Variants in PRKCE observed in about 807,000 individuals in gnomAD.
The protein encoded by PRKCE is protein kinase C epsilon type.
PRKCE carries 16 observed loss-of-function variants against 85.4 expected under a neutral mutation model. That is an observed-to-expected ratio of 0.19 (90% CI 0.13 to 0.28). The LOEUF is 0.28. Among genes scored for constraint, PRKCE ranks in the 10% least tolerant of loss-of-function variants. The pLI is 1.00. For missense variants in PRKCE, 573 were observed against 975.2 expected (o/e 0.59, Z 5.49); for synonymous variants, 388 against 371.5 (o/e 1.04, Z -0.51).
intron 6 of PRKCE, among the ~76,000 whole-genome samples, chr2:45,989,969 C>G (rs1703658128): frequency 6.6e-6 from 1 of 152,206 alleles, no homozygotes; most frequent in Admixed American, 6.5e-5. Context: ...CTAAAAATGT[C>G]CTCTTTTTGT....
chr2:46,164,131 G>A (rs1678081860), intron 14 of PRKCE, among the ~76,000 whole-genome samples: 2 of 152,192 alleles, frequency 1.3e-5, no homozygotes, highest in Non-Finnish European at 2.9e-5. Context: ...TTTGACAGAG[G>A]GAAGAGGGAA....
At chr2:45,821,769 C>G (rs922685121) in intron 1 of PRKCE, among the ~76,000 whole-genome samples, 3 of 152,140 alleles carry the variant, frequency 2.0e-5, no homozygotes, top group Non-Finnish European at 2.9e-5. Context: ...GAATGTCACC[C>G]TGGGGACAGA....
chr2:45,804,084 G>C (rs1465529835), intron 1 of PRKCE, among the ~76,000 whole-genome samples: 2 of 152,202 alleles, frequency 1.3e-5, no homozygotes, highest in African/African-American at 4.8e-5. Context: ...ATCTGTGGCT[G>C]GCCCATCACC....
chr2:46,094,176 C>G (rs2103987924), intron 11 of PRKCE, among the ~76,000 whole-genome samples: 2 of 152,220 alleles, frequency 1.3e-5, no homozygotes, highest in South Asian at 4.2e-4. Flanking sequence ...CCCTGTGTGC[C>G]TGCTGCAAAG....
At chr2:45,694,158 C>T (rs1677958469) in intron 1 of PRKCE, among the ~76,000 whole-genome samples, 1 of 150,416 alleles carries the variant, frequency 6.6e-6, no homozygotes, top group Non-Finnish European at 1.5e-5. Flanking sequence ...TGGCCATTTC[C>T]AGAACTAAGG....
chr2:45,845,557 C>G (rs568188610), intron 2 of PRKCE: 1 of 152,238 alleles, frequency 6.6e-6, no homozygotes, highest in East Asian at 1.9e-4. Context: ...GGGAATTGCA[C>G]AAAGTTTACA....
chr2:45,996,113 G>C (rs1019537306), intron 6 of PRKCE, among the ~76,000 whole-genome samples: 1 of 151,918 alleles, frequency 6.6e-6, no homozygotes, highest in Non-Finnish European at 1.5e-5. Flanking sequence ...TCATTTGGGG[G>C]AATGATAACA....
intron 2 of PRKCE, among the ~76,000 whole-genome samples, chr2:45,861,770 G>T (rs1693179266): frequency 6.6e-6 from 1 of 152,148 alleles, no homozygotes; most frequent in Admixed American, 6.5e-5. Context: ...GGTCAAAACA[G>T]CAGAATATTG....
chr2:45,934,215 T>C (rs535490843), intron 2 of PRKCE, among the ~76,000 whole-genome samples: 1 of 152,338 alleles, frequency 6.6e-6, no homozygotes, highest in African/African-American at 2.4e-5. Flanking sequence ...GTTGTGTGTT[T>C]ATCAAAAGCC....
In PRKCE at chr2:45,904,417, C is replaced by T. The variant is rs573057109; in HGVS notation, c.412+61354C>T. On this transcript the variant is annotated intron_variant, in intron 2 of 14. Coordinates refer to ENST00000306156, the MANE Select transcript of PRKCE (RefSeq NM_005400.3). ...AAGATGAGGTTTCTTAACAGTACCA[C>T]CTCTCACTTTTGGTATTTGTAATGG... Among the ~76,000 whole-genome samples the T allele has an allele frequency of 1.1e-4, 16 of 152,192 alleles. No homozygotes were observed. In the East Asian group the frequency reaches 2.9e-3, roughly 28 times the overall value.
At chr2:46,182,351 A>T (rs999747079) in intron 14 of PRKCE, among the ~76,000 whole-genome samples, 6 of 151,998 alleles carry the variant, frequency 3.9e-5, no homozygotes, top group African/African-American at 1.5e-4. Flanking sequence ...CACCGTGGGG[A>T]TGGTCTTTGT....
intron 1 of PRKCE, among the ~76,000 whole-genome samples, chr2:45,787,912 GC>G (rs1461049010): frequency 6.6e-6 from 1 of 152,196 alleles, no homozygotes; most frequent in African/African-American, 2.4e-5. Context: ...TTGCGATCCT[GC>G]CAGCCACAGA....
chr2:46,037,733 G>A (rs1330466267), intron 10 of PRKCE, among the ~76,000 whole-genome samples: 2 of 152,130 alleles, frequency 1.3e-5, no homozygotes, highest in Non-Finnish European at 2.9e-5. Flanking sequence ...TACAGAAACT[G>A]GTCTGGGCTA....
intron 1 of PRKCE, among the ~76,000 whole-genome samples, chr2:45,806,237 T>C (rs1688232198): frequency 6.6e-6 from 1 of 152,020 alleles, no homozygotes; most frequent in South Asian, 2.1e-4. Context: ...AACCAAAGGG[T>C]CCCATGTGTG....
At chr2:45,810,487 A>C (rs1453577291) in intron 1 of PRKCE, among the ~76,000 whole-genome samples, 2 of 152,242 alleles carry the variant, frequency 1.3e-5, no homozygotes, top group African/African-American at 4.8e-5. Context: ...ATATATATAC[A>C]CATAGATGCC....
At chr2:45,861,866 T>C (rs1449861036) in intron 2 of PRKCE, among the ~76,000 whole-genome samples, 1 of 152,184 alleles carries the variant, frequency 6.6e-6, no homozygotes, top group Non-Finnish European at 1.5e-5. Context: ...TTTAGGTTTA[T>C]TTTTATATAT....
chr2:45,712,411 C>T (rs1238916118), intron 1 of PRKCE, among the ~76,000 whole-genome samples: 8 of 152,062 alleles, frequency 5.3e-5, no homozygotes, highest in African/African-American at 1.9e-4. Context: ...CCACCTTGGC[C>T]TTCCAAAGTG....
At chr2:45,744,671 C>T (rs879924147) in intron 1 of PRKCE, among the ~76,000 whole-genome samples, 5 of 151,052 alleles carry the variant, frequency 3.3e-5, no homozygotes, top group Non-Finnish European at 5.9e-5. Flanking sequence ...GCAGTGGTGC[C>T]GTCTCCGGCT....
rs1696092180 is a variant in PRKCE, at chr2:45,895,802, G to A, written c.412+52739G>A. 6.6e-6 allele frequency among the ~76,000 whole-genome samples: 1 copy of A among 152,182 alleles called. No individual in the cohort carries two copies. The highest frequency in any genetic ancestry group is 2.4e-5 in the African/African-American group (1 of 41,456). On this transcript the variant is annotated intron_variant, in intron 2 of 14. Coordinates refer to ENST00000306156, the MANE Select transcript of PRKCE (RefSeq NM_005400.3). This position sits in a 1 kb window ranked among gnomAD's most constrained non-coding sequence, Gnocchi z 4.8. ...GCTCAGTGAGGCAGGAATCTACGCAGGTGCGCAGGTGTAGAGGAAGTGCTG... is the reference window on the plus strand; with the variant it reads ...GCTCAGTGAGGCAGGAATCTACGCAAGTGCGCAGGTGTAGAGGAAGTGCTG...
Sources: gnomAD v4.1 joint callset for allele counts (sites outside exome capture counted in the v4.1 genomes callset) on GRCh38, gnomAD v4.1.1 for gene constraint, Gnocchi (gnomAD v3.1) non-coding constraint, MANE v1.5 for transcripts, NCBI Gene and HGNC (gene_info 2026-07-23, HGNC 2026-07-21) for gene names.